The following SRGAP1 variants were observed in gnomAD, a reference collection of about 807,000 sequenced individuals.
SRGAP1 encodes SLIT-ROBO Rho GTPase-activating protein 1.
Under a neutral mutation model 121.9 loss-of-function variants are expected in SRGAP1, and 43 were observed. That is an observed-to-expected ratio of 0.35 (90% CI 0.28 to 0.46). The LOEUF (loss-of-function observed/expected upper bound fraction) is 0.46, where lower values mean the gene tolerates loss of function less well. Among genes scored for constraint, SRGAP1 ranks in the 20% least tolerant of loss-of-function variants. The probability of loss-of-function intolerance (pLI) is 1.00; values close to 1 mark genes in which losing one functional copy is unlikely to be tolerated. For synonymous variants in SRGAP1, 447 were observed against 485.4 expected (o/e 0.92, Z 1.04); for missense variants, 1,102 against 1,350.9 (o/e 0.82, Z 2.89).
intron 1 of SRGAP1, among the ~76,000 whole-genome samples, chr12:63,904,796 A>G (rs989150711): frequency 3.9e-5 from 6 of 152,098 alleles, no homozygotes; most frequent in Non-Finnish European, 2.9e-5. Context: ...TTAGCCAGGC[A>G]TAATGGTACA....
chr12:63,882,472 G>A (rs995456711), intron 1 of SRGAP1, among the ~76,000 whole-genome samples: 1 of 151,950 alleles, frequency 6.6e-6, no homozygotes, highest in African/African-American at 2.4e-5. Context: ...TAGTAGAGAC[G>A]GGGGTTTCAG....
chr12:64,120,123 T>C (rs927429147), intron 18 of SRGAP1, among the ~76,000 whole-genome samples: 4 of 152,192 alleles, frequency 2.6e-5, no homozygotes, highest in Admixed American at 1.3e-4. Flanking sequence ...TTATATCTGC[T>C]GCTTGATCAT....
chr12:64,124,072 CA>C (rs1420136255), intron 18 of SRGAP1, among the ~76,000 whole-genome samples: 2 of 151,950 alleles, frequency 1.3e-5, no homozygotes, highest in Non-Finnish European at 2.9e-5. Context: ...AAAAATTATC[CA>C]AAGCAAAAAG....
chr12:64,089,606 T>C (rs1865297803), intron 11 of SRGAP1, among the ~76,000 whole-genome samples: 1 of 152,236 alleles, frequency 6.6e-6, no homozygotes, highest in South Asian at 2.1e-4. Flanking sequence ...TTCTTTTTAC[T>C]CCTATCAGAT....
At chr12:64,017,983 A>C (rs1300296152) in intron 4 of SRGAP1, among the ~76,000 whole-genome samples, 2 of 152,122 alleles carry the variant, frequency 1.3e-5, no homozygotes, top group Non-Finnish European at 2.9e-5. Flanking sequence ...ATTAAATACA[A>C]ATTTCTTTTG....
In SRGAP1 at chr12:64,149,379, C is replaced by A. The variant is rs1230930251; in HGVS notation, c.*6707C>A. 6.6e-6 allele frequency: 1 copy of A among 152,214 alleles called. No homozygotes were observed. The highest frequency in any genetic ancestry group is 1.5e-5 in the Non-Finnish European group (1 of 68,066). The allele number at this position is 152,214 out of a possible 1,614,324, so 9.4% of individuals were successfully genotyped here. A position where few individuals can be genotyped will look rare whatever the true frequency, so the allele number is the denominator to read the frequency against. On this transcript the variant is annotated 3_prime_UTR_variant, in exon 22 of 22. Transcript: ENST00000355086. The stretch of plus-strand genomic sequence containing the variant: ...ATGCTTATCAAGTCATGTTCTCTTA[C>A]CCGATGCTGGATGCTTTTTCTTCAA...
At chr12:63,855,633 G>A (rs930477533) in intron 1 of SRGAP1, among the ~76,000 whole-genome samples, 8 of 151,542 alleles carry the variant, frequency 5.3e-5, no homozygotes, top group South Asian at 2.1e-4. Flanking sequence ...GACTACAGGC[G>A]TGCACCACCA....
intron 1 of SRGAP1, among the ~76,000 whole-genome samples, chr12:63,944,181 C>T (rs745569365): frequency 6.6e-6 from 1 of 152,082 alleles, no homozygotes; most frequent in Non-Finnish European, 1.5e-5. Context: ...GAAACTGAGG[C>T]CCAGAAGATT....
chr12:64,072,978 C>T (rs921331873), intron 8 of SRGAP1, among the ~76,000 whole-genome samples: 1 of 152,174 alleles, frequency 6.6e-6, no homozygotes, highest in African/African-American at 2.4e-5. Context: ...TGGTTTCTCA[C>T]GAATCCTTTG....
intron 1 of SRGAP1, among the ~76,000 whole-genome samples, chr12:63,965,309 C>T (rs1011615648): frequency 1.3e-4 from 20 of 151,764 alleles, no homozygotes; most frequent in African/African-American, 4.6e-4. Context: ...TAGAGCTTTG[C>T]GTATTAGAAA....
chr12:63,856,791 A>G (rs1899266651), intron 1 of SRGAP1, among the ~76,000 whole-genome samples: 1 of 152,086 alleles, frequency 6.6e-6, no homozygotes, highest in South Asian at 2.1e-4. Flanking sequence ...TTCTCTTCCA[A>G]GTAAATTTTA....
intron 3 of SRGAP1, among the ~76,000 whole-genome samples, chr12:63,995,555 C>A (rs758977900): frequency 1.3e-5 from 2 of 152,136 alleles, no homozygotes; most frequent in African/African-American, 2.4e-5. Flanking sequence ...AAATAGGACA[C>A]TATGGTTCTT....
chr12:63,948,578 A>G (rs887480573), intron 1 of SRGAP1, among the ~76,000 whole-genome samples: 4 of 151,816 alleles, frequency 2.6e-5, no homozygotes, highest in African/African-American at 9.7e-5. Context: ...TTTTTTCTGC[A>G]TCTTTTTATA....
At chr12:63,861,287 C>CAT (rs368154902) in intron 1 of SRGAP1, among the ~76,000 whole-genome samples, 3,586 of 137,670 alleles carry the variant, frequency 0.026, 78 homozygotes, top group Middle Eastern at 0.053. Context: ...GGATGGTAGG[C>CAT]ATATATATAT....
intron 18 of SRGAP1, among the ~76,000 whole-genome samples, chr12:64,118,926 C>G (rs1426206221): frequency 6.6e-6 from 1 of 151,970 alleles, no homozygotes; most frequent in Non-Finnish European, 1.5e-5. Flanking sequence ...AGGCTGGTCT[C>G]AAACTCCTGA....
At chr12:63,861,385 C>T (rs1302138797) in intron 1 of SRGAP1, among the ~76,000 whole-genome samples, 12 of 151,092 alleles carry the variant, frequency 7.9e-5, no homozygotes, top group Admixed American at 1.3e-4. Context: ...CTGCAACCTC[C>T]GCCTCCCAGG....
intron 1 of SRGAP1, among the ~76,000 whole-genome samples, chr12:63,955,747 T>C (rs1472394926): frequency 1.3e-5 from 2 of 152,036 alleles, no homozygotes; most frequent in Admixed American, 6.6e-5. Flanking sequence ...GGCCTTAAAC[T>C]GAGTTATATT....
At chr12:64,031,788 C>T (rs2034787117) in intron 4 of SRGAP1, among the ~76,000 whole-genome samples, 1 of 152,238 alleles carries the variant, frequency 6.6e-6, no homozygotes, top group South Asian at 2.1e-4. Flanking sequence ...GTCTTTCATC[C>T]TACACTTTTC....
intron 21 of SRGAP1, among the ~76,000 whole-genome samples, chr12:64,132,573 A>G (rs2136643784): frequency 6.6e-6 from 1 of 152,364 alleles, no homozygotes; most frequent in East Asian, 1.9e-4. Flanking sequence ...TCTTAGAAGG[A>G]ATATCTTGAT....
Sources: gnomAD v4.1 joint callset for allele counts (sites outside exome capture counted in the v4.1 genomes callset) on GRCh38, gnomAD v4.1.1 for gene constraint, MANE v1.5 for transcripts, NCBI Gene and HGNC (gene_info 2026-07-23, HGNC 2026-07-21) for gene names.